Variants in TECRL observed in about 807,000 individuals in gnomAD.
TECRL encodes trans-2,3-enoyl-CoA reductase like, also known as trans-2,3-enoyl-CoA reductase-like.
A neutral mutation model predicts 52.8 loss-of-function variants in TECRL; 63 were observed. The observed-to-expected ratio is 1.19, with a 90% CI of 0.97 to 1.47. TECRL has a LOEUF of 1.47. Ranked by LOEUF, TECRL falls within the 40% of genes most tolerant of loss-of-function variation. The pLI is 0.00. For synonymous variants in TECRL, 164 were observed against 141.9 expected (o/e 1.16, Z -1.10); for missense variants, 482 against 429.6 (o/e 1.12, Z -1.08).
At chr4:64,363,495 C>A (rs1721345668) in intron 2 of TECRL, among the ~76,000 whole-genome samples, 1 of 152,124 alleles carries the variant, frequency 6.6e-6, no homozygotes. Flanking sequence ...TCATTTATAA[C>A]CTGACGTGTC....
chr4:64,330,512 T>C (rs1041839786), intron 2 of TECRL, among the ~76,000 whole-genome samples: 5 of 152,196 alleles, frequency 3.3e-5, no homozygotes, highest in African/African-American at 1.2e-4. Context: ...TGTTAAACTT[T>C]AATTAATCAG....
chr4:64,321,960 TAA>T (rs1276805949), intron 4 of TECRL, among the ~76,000 whole-genome samples: 1 of 152,046 alleles, frequency 6.6e-6, no homozygotes, highest in Non-Finnish European at 1.5e-5. Flanking sequence ...AAGGAAAAGG[TAA>T]AGAGATACCA....
chr4:64,324,903 A>G (rs890717302), intron 3 of TECRL, among the ~76,000 whole-genome samples: 1 of 152,160 alleles, frequency 6.6e-6, no homozygotes, highest in South Asian at 2.1e-4. Flanking sequence ...TGCTACCTGT[A>G]TAATCCCTGA....
intron 1 of TECRL, among the ~76,000 whole-genome samples, chr4:64,402,287 T>G (rs186236451): frequency 8.5e-4 from 130 of 152,222 alleles, no homozygotes; most frequent in African/African-American, 3.1e-3. Flanking sequence ...ACTTCTATTT[T>G]GTCATGGACT....
intron 2 of TECRL, among the ~76,000 whole-genome samples, chr4:64,342,803 A>C (rs1435176343): frequency 2.0e-5 from 3 of 152,150 alleles, no homozygotes; most frequent in Non-Finnish European, 4.4e-5. Flanking sequence ...CTATTAAATT[A>C]TAGTTTTAAA....
intron 1 of TECRL, among the ~76,000 whole-genome samples, chr4:64,385,830 C>G (rs895956273): frequency 3.9e-5 from 6 of 152,130 alleles, no homozygotes; most frequent in African/African-American, 1.4e-4. Context: ...GGGGCTATCC[C>G]AGGGCTAGGA....
At chr4:64,360,824 C>G (rs1560528541) in intron 2 of TECRL, among the ~76,000 whole-genome samples, 1 of 152,094 alleles carries the variant, frequency 6.6e-6, no homozygotes, top group Non-Finnish European at 1.5e-5. Context: ...CGGTGAGAGA[C>G]TGTATACTGT....
At chr4:64,277,254 C>T (rs904012823), downstream of TECRL, among the ~76,000 whole-genome samples, 4 of 151,898 alleles carry the variant, frequency 2.6e-5, no homozygotes, top group East Asian at 1.9e-4. Flanking sequence ...TCTTCTAGTC[C>T]TACAAGAATG....
intron 2 of TECRL, among the ~76,000 whole-genome samples, chr4:64,336,468 A>T (rs1411230785): frequency 2.0e-5 from 3 of 151,910 alleles, no homozygotes; most frequent in East Asian, 3.9e-4. Context: ...GCTCCTGGAT[A>T]CATTGATTTT....
At chr4:64,284,037 C>T (rs923099780) in intron 9 of TECRL, among the ~76,000 whole-genome samples, 4 of 151,952 alleles carry the variant, frequency 2.6e-5, no homozygotes, top group African/African-American at 9.7e-5. Flanking sequence ...CAGAACCTAC[C>T]CAGCATGAAC....
chr4:64,332,132 G>C (rs1364576865), intron 2 of TECRL, among the ~76,000 whole-genome samples: 1 of 152,134 alleles, frequency 6.6e-6, no homozygotes, highest in Non-Finnish European at 1.5e-5. Flanking sequence ...TTCCCCTAAG[G>C]GTATCTGTTT....
intron 2 of TECRL, among the ~76,000 whole-genome samples, chr4:64,335,292 C>A (rs568819751): frequency 2.3e-4 from 35 of 152,264 alleles, no homozygotes; most frequent in Non-Finnish European, 4.0e-4. Context: ...ATAGCAGCAC[C>A]TACCCTATTG....
intron 1 of TECRL, among the ~76,000 whole-genome samples, chr4:64,399,506 C>T (rs1475854632): frequency 3.3e-5 from 5 of 152,048 alleles, no homozygotes; most frequent in Admixed American, 1.3e-4. Context: ...GAGAAAAAGG[C>T]CTGGAAGGCA....
chr4:64,331,635 T>C (rs1718649125), intron 2 of TECRL, among the ~76,000 whole-genome samples: 1 of 151,964 alleles, frequency 6.6e-6, no homozygotes, highest in Admixed American at 6.6e-5. Context: ...ATCAAAAATA[T>C]TAGAAAAACA....
chr4:64,309,866 T>C lies in TECRL; in HGVS notation c.617A>G (p.Lys206Arg), dbSNP rs1447419570. 3.7e-6 allele frequency: 6 copies of C among 1,612,752 alleles called. No individual in the cohort carries two copies. The highest frequency in any genetic ancestry group is 1.3e-5 in the African/African-American group (1 of 74,870). ...CAAAGGTGTGTGTCCTGCAGAAACT[T>C]TGTGAACAAATAAGGTTTCCAAAAG... ...RYLLETLFVH[K>R]VSAGHTPLKN... Residue 206 changes from lysine (K) to arginine (R), a missense_variant, in exon 6 of 12, where the codon AAA becomes AGA. Lys to Arg is a conservative substitution (Grantham distance 26). Transcript: ENST00000381210.
Position 64,281,470 on chromosome 4 carries a change from A to G in TECRL, c.918+4T>C. 1 of 1,553,560 alleles carries G rather than the reference A, an allele frequency of 6.4e-7. No homozygotes were observed. The highest frequency in any genetic ancestry group is 8.8e-7 in the Non-Finnish European group (1 of 1,132,274). Reference sequence around the variant, plus strand: ...TCAAGCATTTACATACATAAATAACATACCTCATAGGTGTAGTTAGGACAT... The same window carrying G: ...TCAAGCATTTACATACATAAATAACGTACCTCATAGGTGTAGTTAGGACAT... On this transcript the variant is annotated splice_donor_region_variant and intron_variant, in intron 10 of 11. Coordinates refer to ENST00000381210, the MANE Select transcript of TECRL (RefSeq NM_001010874.5).
At chr4:64,409,056 A>G in intron 1 of TECRL, 62 bp downstream of exon 1, 3 of 1,341,344 alleles carry the variant, frequency 2.2e-6, no homozygotes, top group Non-Finnish European at 3.0e-6. Flanking sequence ...GCAATCAATA[A>G]TATTTGGGGC....
At chr4:64,333,746 C>A (rs193258236) in intron 2 of TECRL, among the ~76,000 whole-genome samples, 11 of 127,580 alleles carry the variant, frequency 8.6e-5, no homozygotes, top group Non-Finnish European at 1.6e-4. Flanking sequence ...CCTGGCCGGG[C>A]GCGGTGGCTC....
At chr4:64,313,551 A>G (rs565584468) in intron 5 of TECRL, among the ~76,000 whole-genome samples, 254 of 131,626 alleles carry the variant, frequency 1.9e-3, no homozygotes, top group Admixed American at 3.6e-3. Context: ...GTGCGATCTC[A>G]GCTCACTGCA....
Sources: gnomAD v4.1 joint callset for allele counts (sites outside exome capture counted in the v4.1 genomes callset) on GRCh38, gnomAD v4.1.1 for gene constraint, MANE v1.5 for transcripts, NCBI Gene and HGNC (gene_info 2026-07-23, HGNC 2026-07-21) for gene names.